The following ESYT2 variants were observed in gnomAD, a reference collection of about 807,000 sequenced individuals.
The protein encoded by ESYT2 is extended synaptotagmin-2.
In ESYT2, 54 loss-of-function variants were observed where a neutral mutation model predicts 107.2. The observed-to-expected ratio is 0.50, with a 90% confidence interval of 0.40 to 0.63. The LOEUF is 0.63. Ranked by LOEUF, ESYT2 falls within the 30% of genes least tolerant of loss-of-function variation. ESYT2 has a pLI of 0.00. For synonymous variants in ESYT2, 491 were observed against 434.1 expected, an observed-to-expected ratio of 1.13 and a Z score of -1.63; for missense variants, 1,020 against 1,094.5, an observed-to-expected ratio of 0.93 and a Z score of 0.96.
At chr7:158,740,370 C>A (rs1837148578) in intron 18 of ESYT2, among the ~76,000 whole-genome samples, 1 of 152,234 alleles carries the variant, frequency 6.6e-6, no homozygotes, top group Admixed American at 6.5e-5. Context: ...ATGTGCAGAT[C>A]TTATGATTCA....
At chr7:158,785,753 C>T (rs974421516) in intron 6 of ESYT2, among the ~76,000 whole-genome samples, 5 of 152,134 alleles carry the variant, frequency 3.3e-5, no homozygotes, top group Non-Finnish European at 5.9e-5. Flanking sequence ...TTAACCACAG[C>T]GCTGTGCTGC....
At chr7:158,763,214 A>G (rs932758470) in intron 9 of ESYT2, 49 bp from the exon 10 acceptor site, 6 of 1,346,384 alleles carry the variant, frequency 4.5e-6, no homozygotes, top group Non-Finnish European at 5.3e-6. Context: ...TAATATAGTC[A>G]TACACTGAGT....
rs201182886 is a variant in ESYT2, at chr7:158,798,995, C to T, written c.372+36G>A. 2,315 of 1,581,228 alleles carry T rather than the reference C, an allele frequency of 1.5e-3. 1 individual carries two copies. Among genetic ancestry groups the T allele is most frequent in the Non-Finnish European group, 1.7e-3 (1,988 of 1,156,348 alleles). On this transcript the variant is annotated intron_variant, in intron 2 of 22. Coordinates refer to ENST00000275418, the MANE Select transcript of ESYT2 (RefSeq NM_001367773.1). ...AAGATGGTATCTCATCCTCCAATTC[C>T]ACTGATGGATGGTAGTTGGTATACT...
chr7:158,792,157 GTTC>G (rs1402460130), intron 4 of ESYT2, among the ~76,000 whole-genome samples: 22 of 127,864 alleles, frequency 1.7e-4, no homozygotes, highest in African/African-American at 6.5e-4. Flanking sequence ...AGTTCCACGA[GTTC>G]TTTTTTTTTT....
intron 18 of ESYT2, among the ~76,000 whole-genome samples, chr7:158,741,076 C>T (rs1837181155): frequency 6.6e-6 from 1 of 152,158 alleles, no homozygotes; most frequent in African/African-American, 2.4e-5. Flanking sequence ...CATCCGAAGA[C>T]AAACAAAAGA....
intron 11 of ESYT2, 56 bp downstream of exon 11, chr7:158,761,440 C>T: frequency 1.3e-6 from 2 of 1,549,114 alleles, no homozygotes; most frequent in Non-Finnish European, 1.8e-6. Flanking sequence ...TCCTCTGGCA[C>T]AGGGCAGGGA....
chr7:158,771,949 T>C (rs1257064111), intron 7 of ESYT2, among the ~76,000 whole-genome samples: 2 of 151,538 alleles, frequency 1.3e-5, no homozygotes, highest in South Asian at 4.2e-4. Flanking sequence ...CGAAACCCCA[T>C]CTCTACTAAA....
At chr7:158,814,287 T>TTTTATATATATA (rs1219869401) in intron 1 of ESYT2, among the ~76,000 whole-genome samples, 1 of 66,936 alleles carries the variant, frequency 1.5e-5, no homozygotes, top group African/African-American at 7.1e-5. Context: ...AAAAAAAAAA[T>TTTTATATATATA]TATATATATA....
rs1041173666 is a variant in ESYT2 at position 158,739,188 on chromosome 7, A to C, written c.2169-67T>G. 3 of 1,316,680 alleles carry C rather than the reference A, an allele frequency of 2.3e-6. No individual in the cohort carries two copies. The Admixed American group carries it at 5.5e-5, about 24-fold the overall frequency. 81.6% of individuals were successfully genotyped at this position (1,316,680 alleles called of 1,614,324 possible). ...GGAGAACGTTGTGATTCATTGGTCC[A>C]CTGTACACGATAAAATAATTTCTAT... On this transcript the variant is annotated intron_variant, in intron 18 of 22. Transcript: ENST00000275418.
In ESYT2 at chr7:158,797,241, G is replaced by C. The variant is rs75094805; in HGVS notation, c.507+701C>G. ...GGCTCACTGCACTCTCCACCTCCTG[G>C]GGCTCAAGTGATCCTCCTGCCTCAG... On this transcript the variant is annotated intron_variant, in intron 3 of 22. Transcript: ENST00000275418. Among the ~76,000 whole-genome samples, 812 of 152,242 alleles carry C rather than the reference G, an allele frequency of 5.3e-3. 45 individuals are homozygous for C. In the East Asian group the frequency reaches 0.12, roughly 22 times the overall value.
At position 158,782,176 on chromosome 7, in the gene ESYT2, TGA is replaced by T. The variant is rs1252821694; in HGVS notation, c.747+5826_747+5827del. 5.3e-5 allele frequency among the ~76,000 whole-genome samples: 8 copies of T among 150,088 alleles called. 1 individual carries two copies. In the South Asian group the frequency reaches 8.5e-4, roughly 16 times the overall value. On this transcript the variant is annotated intron_variant, in intron 6 of 22. Coordinates refer to ENST00000275418, the MANE Select transcript of ESYT2 (RefSeq NM_001367773.1). ...GTGTGAGTGTGAGAACAGTGAGGTG[TGA>T]GTGTGAAAGAACAAGTGAGAACAAG... is the stretch of plus-strand genomic sequence containing the variant.
chr7:158,822,385 A>G (rs1027791050), intron 1 of ESYT2, among the ~76,000 whole-genome samples: 1 of 152,218 alleles, frequency 6.6e-6, no homozygotes, highest in Non-Finnish European at 1.5e-5. Flanking sequence ...TCGGTTTTTT[A>G]TATTTTTGAA....
chr7:158,788,523 C>A, intron 4 of ESYT2, 106 bp from the exon 5 acceptor site: 1 of 974,648 alleles, frequency 1.0e-6, no homozygotes, highest in Admixed American at 3.1e-5. Context: ...GTAAAGCAAC[C>A]AAATCAGATT....
intron 3 of ESYT2, 38 bp from the exon 4 acceptor site, chr7:158,793,764 T>TAA: frequency 7.8e-6 from 10 of 1,276,822 alleles, no homozygotes; most frequent in South Asian, 1.5e-5. Flanking sequence ...ATACAGAGGT[T>TAA]AAAAAAAAAA....
Position 158,739,019 on chromosome 7 carries a change from C to A in ESYT2, c.2267+4G>T. The A allele has an allele frequency of 6.2e-7, 1 of 1,613,858 alleles. No individual in the cohort carries two copies. Among genetic ancestry groups the A allele is most frequent in the Non-Finnish European group, 8.5e-7 (1 of 1,179,840 alleles). ...CAGCGGGCGCGTGGGACCCCAGCCC[C>A]CACCTGCAGGCATGCACGACCACGA... is the stretch of plus-strand genomic sequence containing the variant. On this transcript the variant is annotated splice_donor_region_variant and intron_variant, in intron 19 of 22. Transcript: ENST00000275418.
At chr7:158,819,227 C>T (rs769580126) in intron 1 of ESYT2, among the ~76,000 whole-genome samples, 29 of 152,232 alleles carry the variant, frequency 1.9e-4, no homozygotes, top group Non-Finnish European at 3.4e-4. Context: ...AAAACAAACA[C>T]TGCCTTCCAA....
intron 1 of ESYT2, among the ~76,000 whole-genome samples, chr7:158,804,283 C>T (rs111228062): frequency 3.1e-4 from 17 of 55,056 alleles, no homozygotes; most frequent in African/African-American, 9.4e-4. Flanking sequence ...GTGAGGCGCG[C>T]GACAAACCCA....
In ESYT2 at chr7:158,773,213, C is replaced by G. The variant is rs962234737; in HGVS notation, c.803+128G>C. ...ACCCTCTGCTTGTTTCTCACGACAGCCTGTGGAGAAGGCACCCATTCACCT... is the reference window on the plus strand; with the variant it reads ...ACCCTCTGCTTGTTTCTCACGACAGGCTGTGGAGAAGGCACCCATTCACCT... On this transcript the variant is annotated intron_variant, in intron 7 of 22. Transcript: ENST00000275418. 3 of 998,132 alleles carry G rather than the reference C, an allele frequency of 3.0e-6. No homozygotes were observed. In the African/African-American group the frequency reaches 4.8e-5, roughly 16 times the overall value. The allele number at this position is 998,132 out of a possible 1,614,324, so 61.8% of individuals were successfully genotyped here.
intron 4 of ESYT2, among the ~76,000 whole-genome samples, chr7:158,791,209 T>C (rs1178147719): frequency 1.3e-5 from 2 of 152,152 alleles, no homozygotes; most frequent in East Asian, 3.9e-4. Context: ...CGCTGTCCCT[T>C]TGTGTCTGGC....
Sources: allele counts gnomAD v4.1 joint callset (sites outside exome capture counted in the v4.1 genomes callset), GRCh38; gene constraint gnomAD v4.1.1; transcripts MANE v1.5; gene names NCBI Gene and HGNC (gene_info 2026-07-23, HGNC 2026-07-21).